Variants in KCNQ1OT1 observed in about 807,000 individuals in gnomAD.
KCNQ1OT1 encodes the protein KCNQ1 opposite strand/antisense transcript 1.
exon 1 of KCNQ1OT1, chr11:2,696,168 C>A: frequency 2.5e-6 from 1 of 398,586 alleles, no homozygotes; most frequent in Non-Finnish European, 4.4e-6. Flanking sequence ...TTTCTGGATC[C>A]TGTTTAAGAA....
exon 1 of KCNQ1OT1, chr11:2,634,202 G>A (rs1849413633): frequency 2.5e-6 from 1 of 394,266 alleles, no homozygotes; most frequent in African/African-American, 2.1e-5. Context: ...TAAGTTCTAG[G>A]GTACATGTGC....
chr11:2,666,164 G>C (rs1000325669), exon 1 of KCNQ1OT1: 2 of 398,706 alleles, frequency 5.0e-6, no homozygotes, highest in Middle Eastern at 6.3e-4. Context: ...GCAAGCCCCA[G>C]CTCGAGGTTA....
rs1435433950 is a variant in KCNQ1OT1 at position 2,654,006 on chromosome 11, A to T, written n.45989T>A. ...TAAGCGGAACTGGGTGCCAGCTGTG[A>T]ATATACATTTTCACTCCATTCCTCG... On this transcript the variant is annotated non_coding_transcript_exon_variant, in exon 1 of 1. Coordinates refer to ENST00000597346, the Ensembl canonical transcript of KCNQ1OT1. This position sits in a 1 kb window ranked among gnomAD's most constrained non-coding sequence, Gnocchi z 6.4. 3 of 398,560 alleles carry T rather than the reference A, an allele frequency of 7.5e-6. No individual in the cohort carries two copies. In the Admixed American group the frequency reaches 1.3e-4, roughly 18 times the overall value. The allele number at this position is 398,560 out of a possible 1,614,324, so 24.7% of individuals were successfully genotyped here. A position where few individuals can be genotyped will look rare whatever the true frequency, so the allele number is the denominator to read the frequency against.
In KCNQ1OT1 at chr11:2,654,554, A is replaced by T; in HGVS notation, n.45441T>A. On this transcript the variant is annotated non_coding_transcript_exon_variant, in exon 1 of 1. Coordinates refer to ENST00000597346, the Ensembl canonical transcript of KCNQ1OT1. This position sits in a 1 kb window ranked among gnomAD's most constrained non-coding sequence, Gnocchi z 6.4. ...GGGCTTGGGTTACACCTGGGAGATTAGGCCGGATTTTAATCAATCAGGAGG... is the reference window on the plus strand; with the variant it reads ...GGGCTTGGGTTACACCTGGGAGATTTGGCCGGATTTTAATCAATCAGGAGG... 2.5e-6 allele frequency: 1 copy of T among 398,634 alleles called. No individual in the cohort carries two copies. The highest frequency in any genetic ancestry group is 4.4e-6 in the Non-Finnish European group (1 of 226,140). The allele number at this position is 398,634 out of a possible 1,614,324, so 24.7% of individuals were successfully genotyped here.
chr11:2,681,116 C>T (rs565554114), exon 1 of KCNQ1OT1: 18 of 398,486 alleles, frequency 4.5e-5, no homozygotes, highest in South Asian at 1.3e-4. Flanking sequence ...AGATGCCCCC[C>T]AAAAAAGCAC....
exon 1 of KCNQ1OT1, chr11:2,684,981 C>T (rs143956716): frequency 5.8e-5 from 23 of 398,674 alleles, no homozygotes; most frequent in African/African-American, 1.8e-4. Flanking sequence ...TCCAATTTTA[C>T]GGACTGGTTG....
rs778378708 is a variant in KCNQ1OT1 at position 2,695,311 on chromosome 11, G to A, written n.4684C>T. The A allele has an allele frequency of 5.3e-5, 21 of 396,658 alleles. No homozygotes were observed. The highest frequency in any genetic ancestry group is 8.9e-5 in the Non-Finnish European group (20 of 225,806). The allele number at this position is 396,658 out of a possible 1,614,324, so 24.6% of individuals were successfully genotyped here. On this transcript the variant is annotated non_coding_transcript_exon_variant, in exon 1 of 1. Transcript: ENST00000597346. This position sits in a 1 kb window ranked among gnomAD's most constrained non-coding sequence, Gnocchi z 5.2. ...TCCCTACACAAACAGCTTCTCCAGG[G>A]TAATTTATTTATATCATTGTGTGTG...
exon 1 of KCNQ1OT1, chr11:2,666,558 G>A (rs1850071895): frequency 5.0e-6 from 2 of 398,528 alleles, no homozygotes; most frequent in Admixed American, 4.4e-5. Flanking sequence ...CCTGAATTCT[G>A]CATTTGTCAG....
chr11:2,622,243 T>A (rs1849185674), exon 1 of KCNQ1OT1: 1 of 398,282 alleles, frequency 2.5e-6, no homozygotes, highest in African/African-American at 2.1e-5. Context: ...TATTTTGGTG[T>A]GTATACGTTT....
exon 1 of KCNQ1OT1, chr11:2,686,082 T>C (rs914867211): frequency 2.5e-6 from 1 of 399,002 alleles, no homozygotes. Context: ...AGGGCCAGCA[T>C]TGAGTAGGCC....
Position 2,679,882 on chromosome 11 carries a change from C to T in KCNQ1OT1, n.20113G>A, listed in dbSNP as rs1476964244. On this transcript the variant is annotated non_coding_transcript_exon_variant, in exon 1 of 1. Transcript: ENST00000597346. The surrounding 1 kb of genome is among the most constrained non-coding windows in gnomAD (Gnocchi z 4.8). The stretch of plus-strand genomic sequence containing the variant: ...TTCATATAAACTTAGAACTAGCACG[C>T]CTAATTTTTTTTTTATTTTTATTTT... 5.0e-6 allele frequency: 2 copies of T among 398,148 alleles called. No homozygotes were observed. Among genetic ancestry groups the T allele is most frequent in the Middle Eastern group, 6.3e-4 (1 of 1,588 alleles). The allele number at this position is 398,148 out of a possible 1,614,324, so 24.7% of individuals were successfully genotyped here.
chr11:2,689,710 C>T (rs549830003), exon 1 of KCNQ1OT1: 3 of 398,640 alleles, frequency 7.5e-6, no homozygotes, highest in South Asian at 1.3e-4. Flanking sequence ...GTCCTTTGCA[C>T]CTGGGCCTAG....
chr11:2,662,656 C>G, exon 1 of KCNQ1OT1: 1 of 406,576 alleles, frequency 2.5e-6, no homozygotes, highest in East Asian at 3.5e-5. Flanking sequence ...GATTCCCCTG[C>G]GACATGTGAC....
chr11:2,628,343 G>A, exon 1 of KCNQ1OT1: 1 of 398,482 alleles, frequency 2.5e-6, no homozygotes, highest in Non-Finnish European at 4.4e-6. Context: ...CAGTTATGAG[G>A]TGATATCTCA....
Position 2,651,651 on chromosome 11 carries a change from C to T in KCNQ1OT1, n.48344G>A, listed in dbSNP as rs1465563306. The T allele has an allele frequency of 7.5e-6, 3 of 398,574 alleles. No homozygotes were observed. Among genetic ancestry groups the T allele is most frequent in the Non-Finnish European group, 1.3e-5 (3 of 226,102 alleles). The allele number at this position is 398,574 out of a possible 1,614,324, so 24.7% of individuals were successfully genotyped here. On this transcript the variant is annotated non_coding_transcript_exon_variant, in exon 1 of 1. Transcript: ENST00000597346. The surrounding 1 kb of genome is among the most constrained non-coding windows in gnomAD (Gnocchi z 6.1). ...CCCCACCTGGGGTCTCTGTCTCTCC[C>T]ACAGCTCACTGACATTAGCCACGTG...
At chr11:2,644,255 T>C (rs1211579813) in exon 1 of KCNQ1OT1, 5 of 398,568 alleles carry the variant, frequency 1.3e-5, no homozygotes, top group Non-Finnish European at 2.2e-5. Context: ...TATAGTCACA[T>C]AGCCTTTGTT....
At chr11:2,609,272 T>G (rs1043788230) in exon 1 of KCNQ1OT1, 3 of 398,244 alleles carry the variant, frequency 7.5e-6, no homozygotes, top group African/African-American at 6.2e-5. Context: ...TGTGAATTCT[T>G]TCACCCATTG....
chr11:2,646,281 T>C (rs1329952956), exon 1 of KCNQ1OT1: 1 of 398,522 alleles, frequency 2.5e-6, no homozygotes, highest in Non-Finnish European at 4.4e-6. Context: ...TCATAGCATC[T>C]GTATATTGCT....
chr11:2,667,557 C>T (rs1850100869), exon 1 of KCNQ1OT1: 1 of 133,880 alleles, frequency 7.5e-6, no homozygotes, highest in South Asian at 2.6e-4. Flanking sequence ...CATGGAGACA[C>T]TTCTGGCAGT....
Sources: allele counts gnomAD v4.1 joint callset, GRCh38; gene constraint gnomAD v4.1.1; non-coding constraint Gnocchi (gnomAD v3.1); transcripts MANE v1.5; gene names NCBI Gene and HGNC (gene_info 2026-07-23, HGNC 2026-07-21).